C4orf50: variants seen among roughly 807,000 people sequenced by gnomAD.
C4orf50 encodes uncharacterized protein C4orf50.
Under a neutral mutation model 77.2 loss-of-function variants are expected in C4orf50, and 80 were observed. The ratio of observed to expected loss-of-function variants is 1.04; its 90% CI spans 0.87 to 1.25. The LOEUF is 1.25. Ranked by LOEUF, C4orf50 falls within the 50% of genes most tolerant of loss-of-function variation. The probability of loss-of-function intolerance (pLI) is 0.00; values close to 1 mark genes in which losing one functional copy is unlikely to be tolerated. For synonymous variants in C4orf50, 532 were observed against 465.3 expected, an observed-to-expected ratio of 1.14 and a Z score of -1.84; for missense variants, 1,257 against 1,152.9, an observed-to-expected ratio of 1.09 and a Z score of -1.31.
At position 5,911,729 on chromosome 4, in the gene C4orf50, C is replaced by G. The variant is rs1225125462; in HGVS notation, c.*2475-13541G>C. On this transcript the variant is annotated intron_variant, in intron 7 of 7. Coordinates refer to the C4orf50 transcript ENST00000324058. ...TAGCAAATGTTTAACAACTGGCTCT[C>G]AAAACAAAAACAAAAACAAAAACAA... is the stretch of plus-strand genomic sequence containing the variant. 2.0e-5 allele frequency among the ~76,000 whole-genome samples: 3 copies of G among 152,198 alleles called. No individual in the cohort carries two copies. The East Asian group carries it at 5.8e-4, about 29-fold the overall frequency.
At chr4:5,975,433 T>C (rs1315074879) in intron 30 of C4orf50, among the ~76,000 whole-genome samples, 2 of 152,128 alleles carry the variant, frequency 1.3e-5, no homozygotes, top group Non-Finnish European at 2.9e-5. Context: ...GGAAAAGACA[T>C]GGAAATGCCA....
rs182211769 is a variant in C4orf50 at position 5,919,157 on chromosome 4, G to A, written c.*2475-20969C>T. ...GGGAATGCTGGGGTGTGGGGGCAAC[G>A]TCAGATCGCAGGACTCCTCTCTCAT... On this transcript the variant is annotated intron_variant, in intron 7 of 7. Transcript: ENST00000324058. This position sits in a 1 kb window ranked among gnomAD's most constrained non-coding sequence, Gnocchi z 6.5. Among the ~76,000 whole-genome samples, 169 of 152,194 alleles carry A rather than the reference G, an allele frequency of 1.1e-3. 1 individual carries two copies. The highest frequency in any genetic ancestry group is 3.4e-3 in the Middle Eastern group (1 of 294).
chr4:5,930,083 T>C (rs150186042), intron 7 of C4orf50, among the ~76,000 whole-genome samples: 7 of 152,222 alleles, frequency 4.6e-5, no homozygotes, highest in South Asian at 2.1e-4. Context: ...AGAGAAAACA[T>C]TGGGCTCATG....
downstream of C4orf50, among the ~76,000 whole-genome samples, chr4:5,952,739 G>C (rs1188078767): frequency 6.6e-6 from 1 of 152,172 alleles, no homozygotes; most frequent in Non-Finnish European, 1.5e-5. This position sits in a 1 kb window ranked among gnomAD's most constrained non-coding sequence, Gnocchi z 4.4. Context: ...TAGATCCTCA[G>C]GGAGAAGCCA....
chr4:5,983,027 G>A (rs150887451), intron 28 of C4orf50, among the ~76,000 whole-genome samples: 73 of 152,254 alleles, frequency 4.8e-4, no homozygotes, highest in African/African-American at 1.6e-3. Flanking sequence ...GCCACAGAGG[G>A]TTTTCGGTCA....
rs1721787038 is a variant in C4orf50, at chr4:6,000,509, G to C, written c.964-6033C>G. 6.6e-6 allele frequency among the ~76,000 whole-genome samples: 1 copy of C among 152,014 alleles called. No homozygotes were observed. Among genetic ancestry groups the C allele is most frequent in the Non-Finnish European group, 1.5e-5 (1 of 67,990 alleles). On this transcript the variant is annotated intron_variant, in intron 25 of 33. Coordinates refer to ENST00000531445, the Ensembl canonical transcript of C4orf50. This position sits in a 1 kb window ranked among gnomAD's most constrained non-coding sequence, Gnocchi z 6.0. ...GCCATCAGCTTCCTTCTGAGAGATGGACAGAGACTGGCAGCCTTGTCACAT... is the reference window on the plus strand; with the variant it reads ...GCCATCAGCTTCCTTCTGAGAGATGCACAGAGACTGGCAGCCTTGTCACAT...
downstream of C4orf50, among the ~76,000 whole-genome samples, chr4:5,954,614 G>T (rs896642546): frequency 6.6e-6 from 1 of 152,118 alleles, no homozygotes; most frequent in Non-Finnish European, 1.5e-5. The surrounding 1 kb of genome is among the most constrained non-coding windows in gnomAD (Gnocchi z 4.7). Context: ...AGAGGGGAGG[G>T]CTCTGGAGTG....
At chr4:6,010,266 T>A (rs912708253) in intron 24 of C4orf50, among the ~76,000 whole-genome samples, 2 of 152,210 alleles carry the variant, frequency 1.3e-5, no homozygotes, top group Non-Finnish European at 1.5e-5. Flanking sequence ...GATGAGGTAC[T>A]ATGAGCCAGG....
At chr4:5,949,195 G>A (rs1718617136) in intron 7 of C4orf50, among the ~76,000 whole-genome samples, 1 of 152,182 alleles carries the variant, frequency 6.6e-6, no homozygotes, top group Admixed American at 6.5e-5. Flanking sequence ...AAAAACTGTA[G>A]CACAGTGACC....
chr4:5,960,499 A>G (rs891054964), intron 33 of C4orf50, among the ~76,000 whole-genome samples: 3 of 152,172 alleles, frequency 2.0e-5, no homozygotes, highest in Admixed American at 6.5e-5. Flanking sequence ...CTTTTGCCTC[A>G]CTGGTGGAAG....
intron 30 of C4orf50, among the ~76,000 whole-genome samples, chr4:5,975,424 G>A (rs1232702475): frequency 6.6e-6 from 1 of 152,150 alleles, no homozygotes; most frequent in East Asian, 1.9e-4. Context: ...CGTACTGGAG[G>A]AAAAGACATG....
Position 5,900,867 on chromosome 4 carries a change from G to C in C4orf50, c.*2475-2679C>G, listed in dbSNP as rs1183773487. ...CTGTCACCTTAATCACTGACCTGCT[G>C]GCTTGCCTGGGAAGGGCAATGGCAG... On this transcript the variant is annotated intron_variant, in intron 7 of 7. Coordinates refer to the C4orf50 transcript ENST00000324058. The surrounding 1 kb of genome is among the most constrained non-coding windows in gnomAD (Gnocchi z 4.3). 3 of 152,228 alleles carry C rather than the reference G, an allele frequency of 2.0e-5. No individual in the cohort carries two copies. The highest frequency in any genetic ancestry group is 7.2e-5 in the African/African-American group (3 of 41,458). The allele number at this position is 152,228 out of a possible 1,614,324, so 9.4% of individuals were successfully genotyped here.
At chr4:5,956,151 A>G (rs1177952823), downstream of C4orf50, among the ~76,000 whole-genome samples, 1 of 152,208 alleles carries the variant, frequency 6.6e-6, no homozygotes, top group Non-Finnish European at 1.5e-5. Flanking sequence ...AGGATCACAA[A>G]AAAGGCAATG....
exon 28 of C4orf50, chr4:5,988,467 G>A (rs768775252): frequency 1.3e-6 from 2 of 1,569,124 alleles, no homozygotes; most frequent in Admixed American, 1.9e-5. Flanking sequence ...TTCCTTGCAG[G>A]GCATTGGCTA....
intron 25 of C4orf50, among the ~76,000 whole-genome samples, chr4:5,999,758 G>T (rs914534426): frequency 2.6e-5 from 4 of 152,192 alleles, no homozygotes; most frequent in Non-Finnish European, 5.9e-5. Context: ...GGTGGCTCAT[G>T]TCACCTCGGG....
intron 25 of C4orf50, among the ~76,000 whole-genome samples, chr4:6,002,882 C>G (rs184994200): frequency 9.2e-5 from 14 of 152,350 alleles, no homozygotes; most frequent in Non-Finnish European, 1.8e-4. Flanking sequence ...CATCTCTGAG[C>G]CTTCTGCCTC....
chr4:5,973,800 G>A, exon 31 of C4orf50: 1 of 1,613,508 alleles, frequency 6.2e-7, no homozygotes, highest in Non-Finnish European at 8.5e-7. Flanking sequence ...TGATCAGGCG[G>A]TTCCTCTCCC....
At chr4:5,914,811 T>C (rs1716964197) in intron 7 of C4orf50, among the ~76,000 whole-genome samples, 1 of 152,208 alleles carries the variant, frequency 6.6e-6, no homozygotes, top group Non-Finnish European at 1.5e-5. Flanking sequence ...AGTCAGTAAG[T>C]TAATGTAGCC....
intron 7 of C4orf50, among the ~76,000 whole-genome samples, chr4:5,918,171 A>G (rs1285149805): frequency 6.6e-6 from 1 of 152,120 alleles, no homozygotes; most frequent in Non-Finnish European, 1.5e-5. Context: ...GCGAGGTCAT[A>G]TCATACAACC....
Sources: allele counts gnomAD v4.1 joint callset (sites outside exome capture counted in the v4.1 genomes callset), GRCh38; gene constraint gnomAD v4.1.1; non-coding constraint Gnocchi (gnomAD v3.1); transcripts MANE v1.5; gene names NCBI Gene and HGNC (gene_info 2026-07-23, HGNC 2026-07-21).